CCDC57: variants seen among roughly 807,000 people sequenced by gnomAD.
CCDC57 encodes the protein coiled-coil domain-containing protein 57.
CCDC57 carries 118 observed loss-of-function variants against 118.9 expected under a neutral mutation model. The ratio of observed to expected loss-of-function variants is 0.99; its 90% CI spans 0.86 to 1.16. The LOEUF (loss-of-function observed/expected upper bound fraction) is 1.16. CCDC57 is among the 50% of genes most tolerant of loss of function. The probability of loss-of-function intolerance (pLI) is 0.00; values close to 1 mark genes in which losing one functional copy is unlikely to be tolerated. For missense variants in CCDC57, 1,300 were observed against 1,320.7 expected, an observed-to-expected ratio of 0.98 and a Z score of 0.24; for synonymous variants, 527 against 532.9, an observed-to-expected ratio of 0.99 and a Z score of 0.15.
Position 82,172,662 on chromosome 17 carries a change from C to T in CCDC57, c.1705G>A (p.Ala569Thr), listed in dbSNP as rs1218865366. 5 of 1,552,054 alleles carry T rather than the reference C, an allele frequency of 3.2e-6. No individual in the cohort carries two copies. The South Asian group carries it at 3.6e-5, about 11-fold the overall frequency. The change falls in exon 12 of 20, where the codon GCT (alanine) becomes ACT (threonine). Residue 569 changes from alanine (A) to threonine (T), a missense_variant. Transcript: ENST00000665763. This position sits in a 1 kb window ranked among gnomAD's most constrained non-coding sequence, Gnocchi z 5.2. ...CCAGGAGTGGCGGCATCTCCCCCAG[C>T]CTCTGGGTCAGGCTGGTTTGCATCT...
intron 19 of CCDC57, among the ~76,000 whole-genome samples, chr17:82,108,493 A>C (rs1487591452): frequency 6.6e-6 from 1 of 152,228 alleles, no homozygotes; most frequent in Non-Finnish European, 1.5e-5. Context: ...CTTGTGTTGC[A>C]TTGGTGTCAT....
intron 1 of CCDC57, among the ~76,000 whole-genome samples, chr17:82,208,722 G>T (rs2049956073): frequency 1.3e-5 from 2 of 152,182 alleles, no homozygotes; most frequent in South Asian, 4.1e-4. Context: ...TTCTTGTAGA[G>T]ATGGGGTTCC....
At position 82,192,283 on chromosome 17, in the gene CCDC57, T is replaced by A. The variant is rs2047765490; in HGVS notation, c.851+1473A>T. ...ATTATTTTAATGACATTTTCTTTCCTCTAGCTAGCATTACTTTAAGAATCA... is the reference window on the plus strand; with the variant it reads ...ATTATTTTAATGACATTTTCTTTCCACTAGCTAGCATTACTTTAAGAATCA... On this transcript the variant is annotated intron_variant, in intron 7 of 19. Coordinates refer to ENST00000665763, the Ensembl canonical transcript of CCDC57. The surrounding 1 kb of genome is among the most constrained non-coding windows in gnomAD (Gnocchi z 4.0). Among the ~76,000 whole-genome samples the A allele has an allele frequency of 6.6e-6, 1 of 152,130 alleles. No homozygotes were observed. The highest frequency in any genetic ancestry group is 2.4e-5 in the African/African-American group (1 of 41,422).
intron 19 of CCDC57, among the ~76,000 whole-genome samples, chr17:82,107,934 G>C (rs981125053): frequency 1.3e-5 from 2 of 152,196 alleles, no homozygotes; most frequent in African/African-American, 2.4e-5. Flanking sequence ...GCACGGACGA[G>C]GGGGCTTTGG....
intron 9 of CCDC57, among the ~76,000 whole-genome samples, chr17:82,182,025 G>A (rs542417693): frequency 3.3e-5 from 5 of 152,118 alleles, no homozygotes; most frequent in Non-Finnish European, 7.3e-5. Context: ...GGCTGACACA[G>A]GAGAACTGCT....
At chr17:82,184,170 T>C (rs2046654038) in intron 8 of CCDC57, among the ~76,000 whole-genome samples, 1 of 149,974 alleles carries the variant, frequency 6.7e-6, no homozygotes, top group Non-Finnish European at 1.5e-5. Context: ...ACTACCTCCA[T>C]GCATGCATGC....
chr17:82,131,146 G>T (rs66531647), intron 17 of CCDC57, among the ~76,000 whole-genome samples: 69,731 of 149,770 alleles, frequency 0.47, 16,974 homozygotes, highest in East Asian at 0.88. Flanking sequence ...AAAAATAAAT[G>T]TAGGCCAGGT....
chr17:82,175,194 G>A (rs2045311289), intron 11 of CCDC57, among the ~76,000 whole-genome samples: 1 of 152,238 alleles, frequency 6.6e-6, no homozygotes, highest in Admixed American at 6.5e-5. Flanking sequence ...GAATTCTCCT[G>A]GAGAAACAGT....
intron 9 of CCDC57, among the ~76,000 whole-genome samples, chr17:82,182,834 AG>A (rs2146482986): frequency 6.7e-6 from 1 of 149,366 alleles, no homozygotes; most frequent in South Asian, 2.1e-4. Context: ...TACAGGCGTG[AG>A]CCACCATGCC....
chr17:82,209,711 T>C (rs1374140663), intron 1 of CCDC57, among the ~76,000 whole-genome samples: 1 of 152,148 alleles, frequency 6.6e-6, no homozygotes, highest in African/African-American at 2.4e-5. Context: ...GGTTTCCAAC[T>C]CCTCACCTCA....
chr17:82,140,598 A>C (rs1383610587), intron 16 of CCDC57, among the ~76,000 whole-genome samples: 5 of 152,206 alleles, frequency 3.3e-5, no homozygotes, highest in African/African-American at 1.2e-4. Context: ...AAAGTAATAT[A>C]GTTATTTGCA....
intron 16 of CCDC57, among the ~76,000 whole-genome samples, chr17:82,150,198 T>C (rs368014610): frequency 0.11 from 1,301 of 11,966 alleles, 1 homozygote; most frequent in Non-Finnish European, 0.13. Context: ...GACCCGCACC[T>C]AGAACCAGGC....
At chr17:82,198,243 C>T in intron 4 of CCDC57, 71 bp downstream of exon 3, 1 of 903,210 alleles carries the variant, frequency 1.1e-6, no homozygotes, top group Non-Finnish European at 1.8e-6. Flanking sequence ...TTCCTCAGCC[C>T]TATATGATTT....
chr17:82,120,104 G>A (rs1490690936), intron 19 of CCDC57, among the ~76,000 whole-genome samples: 2 of 151,956 alleles, frequency 1.3e-5, no homozygotes, highest in Non-Finnish European at 2.9e-5. Context: ...TACAATAGTC[G>A]TTCATGTCAT....
Position 82,157,245 on chromosome 17 carries a change from G to A in CCDC57, c.2241+503C>T, listed in dbSNP as rs186314078. 3 of 179,162 alleles carry A rather than the reference G, an allele frequency of 1.7e-5. No homozygotes were observed. The East Asian group carries it at 5.4e-4, about 32-fold the overall frequency. The allele number at this position is 179,162 out of a possible 1,614,324, so 11.1% of individuals were successfully genotyped here. A position where few individuals can be genotyped will look rare whatever the true frequency, so the allele number is the denominator to read the frequency against. The stretch of plus-strand genomic sequence containing the variant: ...GGGGGTCACTCCCTCGGGGCCAAGG[G>A]CCTGACCAAAACCAGGATAGGAGTG... On this transcript the variant is annotated intron_variant, in intron 15 of 19. Transcript: ENST00000665763.
At chr17:82,183,146 A>C (rs1335732835) in intron 9 of CCDC57, among the ~76,000 whole-genome samples, 7 of 152,230 alleles carry the variant, frequency 4.6e-5, no homozygotes, top group African/African-American at 1.7e-4. Flanking sequence ...GCCAAATGAT[A>C]TCATACAGCA....
intron 11 of CCDC57, among the ~76,000 whole-genome samples, chr17:82,174,912 G>A (rs181328532): frequency 6.8e-4 from 104 of 152,290 alleles, no homozygotes; most frequent in African/African-American, 2.3e-3. Context: ...AATTTTGAGC[G>A]TTAGCCGTCT....
At chr17:82,107,541 C>T (rs768201982) in intron 19 of CCDC57, 98 of 470,826 alleles carry the variant, frequency 2.1e-4, no homozygotes, top group Admixed American at 7.3e-4. Flanking sequence ...CAGGTAGGTG[C>T]GTGCTTCTGG....
Position 82,163,331 on chromosome 17 carries a change from C to T in CCDC57, c.1909G>A (p.Gly637Arg), listed in dbSNP as rs201954226. Reference sequence around the variant, plus strand: ...GCTTGACCAGCTTGGACAGACCCTCCGGCTTGACCAGCTTGGGCAGACCCT... The same window carrying T: ...GCTTGACCAGCTTGGACAGACCCTCTGGCTTGACCAGCTTGGGCAGACCCT... Residue 637 changes from glycine to arginine, a missense_variant, in exon 14 of 20, where the codon GGA (glycine) becomes AGA (arginine). By Grantham distance (125) the Gly-to-Arg change is moderately radical (BLOSUM62 -2). Coordinates refer to ENST00000665763, the Ensembl canonical transcript of CCDC57. 4.0e-5 allele frequency: 65 copies of T among 1,613,696 alleles called. No individual in the cohort carries two copies. The highest frequency in any genetic ancestry group is 3.3e-4 in the Middle Eastern group (2 of 6,062).
Sources: gnomAD v4.1 joint callset for allele counts (sites outside exome capture counted in the v4.1 genomes callset) on GRCh38, gnomAD v4.1.1 for gene constraint, Gnocchi (gnomAD v3.1) non-coding constraint, MANE v1.5 for transcripts, NCBI Gene and HGNC (gene_info 2026-07-23, HGNC 2026-07-21) for gene names.